Variants in ADAMTS16 observed in about 807,000 individuals in gnomAD.
ADAMTS16 encodes ADAM metallopeptidase with thrombospondin type 1 motif 16.
A neutral mutation model predicts 145.8 loss-of-function variants in ADAMTS16; 94 were observed. The ratio of observed to expected loss-of-function variants is 0.64; its 90% CI spans 0.55 to 0.77. ADAMTS16 has a LOEUF of 0.77. Among genes scored for constraint, ADAMTS16 ranks in the 30% least tolerant of loss-of-function variants. ADAMTS16 has a pLI of 0.00. For synonymous variants in ADAMTS16, 659 were observed against 604.3 expected, an observed-to-expected ratio of 1.09 and a Z score of -1.33; for missense variants, 1,585 against 1,591.5, an observed-to-expected ratio of 1.00 and a Z score of 0.07.
At chr5:5,164,938 T>C (rs775129287) in intron 3 of ADAMTS16, among the ~76,000 whole-genome samples, 11 of 152,276 alleles carry the variant, frequency 7.2e-5, no homozygotes, top group East Asian at 1.9e-4. Context: ...GGCCTAGCTT[T>C]GTTCTGTTTT....
chr5:5,303,350 G>A lies in ADAMTS16; in HGVS notation c.2872G>A (p.Val958Met). Residue 958 changes from valine (V) to methionine (M), a missense_variant, in exon 19 of 23, where the codon GTG (valine) becomes ATG (methionine). Val to Met is a conservative substitution (Grantham distance 21, BLOSUM62 1). This residue lies in a region of ADAMTS16 where 834 missense variants were observed against 811.7 expected (regional missense o/e 1.03). Coordinates refer to ENST00000274181, the MANE Select transcript of ADAMTS16 (RefSeq NM_139056.4). The stretch of plus-strand genomic sequence containing the variant: ...CCGCCCCGTGCAGTGCACACGGCGG[G>A]TGCACTATGACTCGGAGCCAGTCCC... The part of the protein sequence containing the change: ...QSRPVQCTRR[V>M]HYDSEPVPAS... 2 of 1,605,044 alleles carry A rather than the reference G, an allele frequency of 1.2e-6. No individual in the cohort carries two copies. Among genetic ancestry groups the A allele is most frequent in the South Asian group, 2.2e-5 (2 of 89,554 alleles).
intron 12 of ADAMTS16, 92 bp from the exon 13 acceptor site, chr5:5,234,922 A>G (rs1737051633): frequency 9.3e-7 from 1 of 1,074,992 alleles, no homozygotes; most frequent in African/African-American, 1.6e-5. Flanking sequence ...CCATTCTAAC[A>G]CTCTTAGCTT....
At position 5,239,814 on chromosome 5, in the gene ADAMTS16, C is replaced by A. The variant is rs764716179; in HGVS notation, c.2412C>A (p.Asp804Glu). Residue 804 changes from aspartate (D) to glutamate (E), a missense_variant, in exon 16 of 23, where the codon GAC becomes GAA. By Grantham distance (45) the Asp-to-Glu change is conservative. Coordinates refer to ENST00000274181, the MANE Select transcript of ADAMTS16 (RefSeq NM_139056.4). ...ACCTGAATGGGCACTGGACCGTGGA[C>A]TGGCCCGGCCGGTACAAATTTTCGG... ...RYYLNGHWTV[D>E]WPGRYKFSGT... is the part of the protein sequence containing the mutation. 6.2e-7 allele frequency: 1 copy of A among 1,614,168 alleles called. No homozygotes were observed. Among genetic ancestry groups the A allele is most frequent in the Non-Finnish European group, 8.5e-7 (1 of 1,180,036 alleles).
chr5:5,267,342 T>C (rs1160939596), intron 18 of ADAMTS16, among the ~76,000 whole-genome samples: 1 of 152,202 alleles, frequency 6.6e-6, no homozygotes, highest in Non-Finnish European at 1.5e-5. Context: ...GCTTTCTGTA[T>C]CCTGGGTTAT....
chr5:5,249,623 T>C (rs1433991544), intron 17 of ADAMTS16, among the ~76,000 whole-genome samples: 1 of 151,374 alleles, frequency 6.6e-6, no homozygotes, highest in African/African-American at 2.4e-5. Context: ...GTTACAATAC[T>C]CTCTCAGCTC....
intron 8 of ADAMTS16, among the ~76,000 whole-genome samples, chr5:5,198,910 C>T (rs114029007): frequency 5.0e-4 from 76 of 152,306 alleles, no homozygotes; most frequent in Non-Finnish European, 8.8e-4. Context: ...CCATGTCCTT[C>T]TTTGCTTTCC....
chr5:5,184,527 T>C (rs1203686649), intron 4 of ADAMTS16, among the ~76,000 whole-genome samples: 2 of 152,126 alleles, frequency 1.3e-5, no homozygotes, highest in Non-Finnish European at 2.9e-5. Flanking sequence ...TCTTTCCTAT[T>C]AGAGTCCCCA....
chr5:5,195,907 C>T (rs1735787553), intron 8 of ADAMTS16, among the ~76,000 whole-genome samples: 1 of 152,142 alleles, frequency 6.6e-6, no homozygotes, highest in Non-Finnish European at 1.5e-5. Flanking sequence ...AGAGACCACA[C>T]AGGGACAATC....
intron 11 of ADAMTS16, among the ~76,000 whole-genome samples, chr5:5,228,980 C>T (rs1378497604): frequency 6.6e-6 from 1 of 152,218 alleles, no homozygotes; most frequent in Admixed American, 6.5e-5. Context: ...TTCCTTTGTT[C>T]TCCTCTGCCT....
At chr5:5,158,446 G>A (rs74980388) in intron 3 of ADAMTS16, among the ~76,000 whole-genome samples, 2,751 of 152,194 alleles carry the variant, frequency 0.018, 34 homozygotes, top group Non-Finnish European at 0.03. Flanking sequence ...TGCATTGACT[G>A]CAAAAGGCCC....
At chr5:5,263,914 C>T (rs1738132934) in intron 18 of ADAMTS16, among the ~76,000 whole-genome samples, 1 of 152,138 alleles carries the variant, frequency 6.6e-6, no homozygotes, top group South Asian at 2.1e-4. Flanking sequence ...TCATGCTTGA[C>T]CACTGAAGGA....
chr5:5,178,303 G>A (rs1735250924), intron 3 of ADAMTS16, among the ~76,000 whole-genome samples: 2 of 152,324 alleles, frequency 1.3e-5, no homozygotes, highest in Non-Finnish European at 1.5e-5. Flanking sequence ...TGCAAAGCCT[G>A]AAGGACTTGG....
chr5:5,274,555 C>T (rs1445933652), intron 18 of ADAMTS16, among the ~76,000 whole-genome samples: 1 of 152,086 alleles, frequency 6.6e-6, no homozygotes, highest in African/African-American at 2.4e-5. Flanking sequence ...CATTGGATAA[C>T]ATTTTATTGT....
chr5:5,255,208 G>T (rs1737742699), intron 17 of ADAMTS16, among the ~76,000 whole-genome samples: 1 of 151,458 alleles, frequency 6.6e-6, no homozygotes, highest in African/African-American at 2.4e-5. Flanking sequence ...TTCTTATCTT[G>T]CATGTTTGTA....
chr5:5,183,056 C>T (rs1579294049), intron 4 of ADAMTS16, among the ~76,000 whole-genome samples: 1 of 152,178 alleles, frequency 6.6e-6, no homozygotes, highest in African/African-American at 2.4e-5. Flanking sequence ...TAGTGAATCT[C>T]GTTGAATGAG....
intron 17 of ADAMTS16, among the ~76,000 whole-genome samples, chr5:5,251,930 C>T (rs181681918): frequency 3.3e-5 from 5 of 152,202 alleles, no homozygotes; most frequent in East Asian, 1.9e-4. Context: ...GACCTCGGCT[C>T]ACTGCAACCT....
chr5:5,245,470 T>G (rs566687343), intron 17 of ADAMTS16, among the ~76,000 whole-genome samples: 17 of 152,346 alleles, frequency 1.1e-4, no homozygotes, highest in African/African-American at 4.1e-4. Flanking sequence ...AGGGAAAGTA[T>G]AGATGGTATT....
At position 5,222,900 on chromosome 5, in the gene ADAMTS16, T is replaced by G. The variant is rs371643679; in HGVS notation, c.1701+16T>G. 6.2e-7 allele frequency: 1 copy of G among 1,610,504 alleles called. No homozygotes were observed. The highest frequency in any genetic ancestry group is 8.5e-7 in the Non-Finnish European group (1 of 1,176,828). On this transcript the variant is annotated intron_variant, in intron 11 of 22. Coordinates refer to ENST00000274181, the MANE Select transcript of ADAMTS16 (RefSeq NM_139056.4). ...GCATGACATGGTAAGAAGCTAACTG[T>G]AGGTACAGCATCGTATTCAGATGCT... is the stretch of plus-strand genomic sequence containing the variant.
chr5:5,151,215 C>T (rs2913673), intron 3 of ADAMTS16, among the ~76,000 whole-genome samples: 37,573 of 146,182 alleles, frequency 0.26, 5,824 homozygotes, highest in Admixed American at 0.44. Context: ...TTTCTTTTCT[C>T]TTATTTATTT....
Sources: allele counts gnomAD v4.1 joint callset (sites outside exome capture counted in the v4.1 genomes callset), GRCh38; gene constraint gnomAD v4.1.1; regional missense constraint gnomAD v4.1.1; transcripts MANE v1.5; gene names NCBI Gene and HGNC (gene_info 2026-07-23, HGNC 2026-07-21).